FAM114A2: variants seen among roughly 807,000 people sequenced by gnomAD.
The protein encoded by FAM114A2 is family with sequence similarity 114 member A2, also known as protein FAM114A2.
In FAM114A2, 53 loss-of-function variants were observed where a neutral mutation model predicts 58.4. That is an observed-to-expected ratio of 0.91 (90% confidence interval 0.73 to 1.14). FAM114A2 has a LOEUF of 1.14. Ranked by LOEUF, FAM114A2 falls within the 50% of genes most tolerant of loss-of-function variation. The pLI, the probability that FAM114A2 is intolerant of heterozygous loss-of-function variation, is 0.00. For missense variants in FAM114A2, 601 were observed against 581.1 expected (o/e 1.03, Z -0.35); for synonymous variants, 228 against 211.4 (o/e 1.08, Z -0.68).
At chr5:153,994,602 T>A (rs1005521334) in intron 13 of FAM114A2, 3 of 215,240 alleles carry the variant, frequency 1.4e-5, no homozygotes, top group Non-Finnish European at 2.8e-5. Context: ...CTGTTTATAA[T>A]TTTCAGCCCT....
intron 8 of FAM114A2, among the ~76,000 whole-genome samples, chr5:154,025,854 T>G (rs2560047): frequency 0.43 from 64,735 of 151,970 alleles, 14,523 homozygotes; most frequent in East Asian, 0.69. Flanking sequence ...CCTGATAATT[T>G]TGCAAATATA....
intron 8 of FAM114A2, among the ~76,000 whole-genome samples, chr5:154,017,245 C>T (rs1369523606): frequency 6.6e-6 from 1 of 152,136 alleles, no homozygotes; most frequent in Non-Finnish European, 1.5e-5. Context: ...GAGTTCAAGA[C>T]CAGCCTGACA....
chr5:154,004,442 T>C (rs1297221275), intron 9 of FAM114A2, among the ~76,000 whole-genome samples: 1 of 152,190 alleles, frequency 6.6e-6, no homozygotes, highest in Non-Finnish European at 1.5e-5. Flanking sequence ...TGTTGACTCT[T>C]AGATCCTTAT....
chr5:154,015,753 T>G (rs1206426119), intron 8 of FAM114A2, among the ~76,000 whole-genome samples: 2 of 151,972 alleles, frequency 1.3e-5, no homozygotes, highest in Admixed American at 6.6e-5. Flanking sequence ...TCACCAGCAA[T>G]GAATCCAAAC....
Position 153,990,204 on chromosome 5 carries a change from G to C in FAM114A2, c.*2772C>G, listed in dbSNP as rs1381927862. The C allele has an allele frequency of 6.6e-6, 1 of 152,100 alleles. No individual in the cohort carries two copies. Among genetic ancestry groups the C allele is most frequent in the East Asian group, 1.9e-4 (1 of 5,190 alleles). The allele number at this position is 152,100 out of a possible 1,614,324, so 9.4% of individuals were successfully genotyped here. On this transcript the variant is annotated 3_prime_UTR_variant, in exon 14 of 14. Coordinates refer to ENST00000351797, the MANE Select transcript of FAM114A2 (RefSeq NM_018691.4). The stretch of plus-strand genomic sequence containing the variant: ...TGGGTTTTCTAAACTGAAGAATTCA[G>C]GTTTAAAATTCAGAACACCTCTAGA...
At chr5:154,007,214 A>G (rs1770412172) in intron 9 of FAM114A2, among the ~76,000 whole-genome samples, 1 of 152,126 alleles carries the variant, frequency 6.6e-6, no homozygotes. Context: ...CCTTTCCCAA[A>G]ATAATTAATG....
chr5:153,991,097 G>A lies in FAM114A2; in HGVS notation c.*1879C>T, dbSNP rs963928773. The stretch of plus-strand genomic sequence containing the variant: ...CATTAAAATAAATAAATATATATGG[G>A]GGGGTGGGGAAGATGAGAAAAAAAG... On this transcript the variant is annotated 3_prime_UTR_variant, in exon 14 of 14. Coordinates refer to ENST00000351797, the MANE Select transcript of FAM114A2 (RefSeq NM_018691.4). 2.0e-5 allele frequency: 3 copies of A among 151,718 alleles called. No homozygotes were observed. Among genetic ancestry groups the A allele is most frequent in the East Asian group, 1.9e-4 (1 of 5,178 alleles). The allele number at this position is 151,718 out of a possible 1,614,324, so 9.4% of individuals were successfully genotyped here. A position where few individuals can be genotyped will look rare whatever the true frequency, so the allele number is the denominator to read the frequency against.
intron 2 of FAM114A2, 143 bp from the exon 3 acceptor site, chr5:154,034,520 T>G: frequency 1.6e-6 from 1 of 640,918 alleles, no homozygotes; most frequent in Non-Finnish European, 2.7e-6. Context: ...AGAAATGTAT[T>G]GCTTGACTGG....
chr5:154,020,254 C>T (rs372097834), intron 8 of FAM114A2, among the ~76,000 whole-genome samples: 11 of 151,810 alleles, frequency 7.2e-5, no homozygotes, highest in Admixed American at 2.6e-4. Context: ...GAAGCAAGAG[C>T]GAACAAATTC....
intron 9 of FAM114A2, among the ~76,000 whole-genome samples, chr5:154,003,500 C>A (rs1419650507): frequency 6.6e-6 from 1 of 151,972 alleles, no homozygotes; most frequent in African/African-American, 2.4e-5. Context: ...TTTTAAAAAA[C>A]CAAGGTATAA....
At chr5:153,994,675 A>G in intron 13 of FAM114A2, 1 of 385,044 alleles carries the variant, frequency 2.6e-6, no homozygotes, top group Non-Finnish European at 4.8e-6. Flanking sequence ...TTAAGCTGTC[A>G]AGGATTAGTA....
At chr5:154,034,995 T>G in intron 1 of FAM114A2, 28 bp from the exon 2 acceptor site, 4 of 1,345,286 alleles carry the variant, frequency 3.0e-6, no homozygotes, top group South Asian at 1.2e-5. Flanking sequence ...CAAAAAAAAT[T>G]TATATAGGCT....
rs913727847 is a variant in FAM114A2, at chr5:154,028,168, C to A, written c.611G>T (p.Arg204Leu). 1 of 1,611,762 alleles carries A rather than the reference C, an allele frequency of 6.2e-7. No homozygotes were observed. The highest frequency in any genetic ancestry group is 8.5e-7 in the Non-Finnish European group (1 of 1,178,668). ...GFKRTKGLMN[R>L]NATLSQVLRE... ...CAGTACCTGAGATAGTGTAGCATTTCGGTTCATCAGACCCTTGGTTCTTTT... is the reference window on the plus strand; with the variant it reads ...CAGTACCTGAGATAGTGTAGCATTTAGGTTCATCAGACCCTTGGTTCTTTT... The change falls in exon 6 of 14, where the codon CGA becomes CTA. Residue 204 changes from arginine to leucine, a missense_variant. Physicochemically the swap from Arg to Leu is moderately radical, Grantham distance 102. Coordinates refer to ENST00000351797, the MANE Select transcript of FAM114A2 (RefSeq NM_018691.4).
At chr5:154,008,557 T>G (rs1310272131) in intron 9 of FAM114A2, among the ~76,000 whole-genome samples, 2 of 152,134 alleles carry the variant, frequency 1.3e-5, no homozygotes, top group African/African-American at 4.8e-5. Flanking sequence ...ATGCACAAAT[T>G]TTTTTAAAAT....
intron 13 of FAM114A2, among the ~76,000 whole-genome samples, chr5:153,993,893 A>G (rs550593143): frequency 1.3e-5 from 2 of 152,290 alleles, no homozygotes; most frequent in East Asian, 3.9e-4. Flanking sequence ...GACATTTAAT[A>G]CTCAATTTCC....
rs1325680711 is a variant in FAM114A2, at chr5:154,029,551, A to T, written c.433T>A (p.Ser145Thr). Residue 145 changes from serine to threonine, a missense_variant, in exon 5 of 14, where the codon TCC becomes ACC. By Grantham distance (58) the Ser-to-Thr change is moderately conservative. Transcript: ENST00000351797. ...CCAAATGCCCCAGCCACTGGGGAGG[A>T]GTTTTCATTCTCTTTGGCATTTGTC... is the stretch of plus-strand genomic sequence containing the variant. Reference protein sequence around the residue: ...GETNAKENENSSPVAGAFGVF... With the variant: ...GETNAKENENTSPVAGAFGVF... 1 of 1,609,376 alleles carries T rather than the reference A, an allele frequency of 6.2e-7. No homozygotes were observed. The highest frequency in any genetic ancestry group is 8.5e-7 in the Non-Finnish European group (1 of 1,176,342).
chr5:154,006,191 A>G (rs1421978849), intron 9 of FAM114A2, among the ~76,000 whole-genome samples: 2 of 152,240 alleles, frequency 1.3e-5, no homozygotes, highest in Non-Finnish European at 2.9e-5. Flanking sequence ...GGATACTGGC[A>G]TTTTACTCAT....
At chr5:154,025,928 AAAATAAAAAAAGACAAACTATCACCCAC>A (rs1313905501) in intron 8 of FAM114A2, among the ~76,000 whole-genome samples, 2 of 152,294 alleles carry the variant, frequency 1.3e-5, no homozygotes, top group East Asian at 1.9e-4. Flanking sequence ...AAGAGTTTTC[AAAATAAAAAAAGACAAACTATCACCCAC>A]ATTTTAGATA....
In FAM114A2 at chr5:154,027,307, C is replaced by T; in HGVS notation, c.658G>A (p.Glu220Lys). The part of the protein sequence containing the change: ...QVLREAKEKE[E>K]IRTSNEVTVE... Reference sequence around the variant, plus strand: ...GTAACCTCATTGGAGGTCCGTATCTCTTCTTTCTCCTTCGCCTCTCGTAAA... The same window carrying T: ...GTAACCTCATTGGAGGTCCGTATCTTTTCTTTCTCCTTCGCCTCTCGTAAA... Residue 220 changes from glutamate (E) to lysine (K), a missense_variant, in exon 7 of 14, where the codon GAG becomes AAG. By Grantham distance (56) the Glu-to-Lys change is moderately conservative. Coordinates refer to ENST00000351797, the MANE Select transcript of FAM114A2 (RefSeq NM_018691.4). The T allele has an allele frequency of 6.2e-7, 1 of 1,611,976 alleles. No individual in the cohort carries two copies. The highest frequency in any genetic ancestry group is 8.5e-7 in the Non-Finnish European group (1 of 1,179,312).
Sources: gnomAD v4.1 joint callset for allele counts (sites outside exome capture counted in the v4.1 genomes callset) on GRCh38, gnomAD v4.1.1 for gene constraint, MANE v1.5 for transcripts, NCBI Gene and HGNC (gene_info 2026-07-23, HGNC 2026-07-21) for gene names.